PLPP4: variants seen among roughly 807,000 people sequenced by gnomAD.
PLPP4 encodes the protein phospholipid phosphatase 4.
PLPP4 carries 20 observed loss-of-function variants against 32.2 expected under a neutral mutation model. The observed-to-expected ratio is 0.62, with a 90% CI of 0.44 to 0.90. The LOEUF (loss-of-function observed/expected upper bound fraction) is 0.90, where lower values mean the gene tolerates loss of function less well. Ranked by LOEUF, PLPP4 falls within the 40% of genes least tolerant of loss-of-function variation. PLPP4 has a pLI of 0.00. For missense variants in PLPP4, 257 were observed against 353.1 expected, an observed-to-expected ratio of 0.73 and a Z score of 2.18; for synonymous variants, 127 against 133.0, an observed-to-expected ratio of 0.95 and a Z score of 0.31.
intron 2 of PLPP4, among the ~76,000 whole-genome samples, chr10:120,511,375 T>C (rs569599468): frequency 6.6e-6 from 1 of 152,324 alleles, no homozygotes; most frequent in Admixed American, 6.5e-5. Context: ...TTTGGAAGCC[T>C]CATTGGGAAA....
intron 2 of PLPP4, among the ~76,000 whole-genome samples, chr10:120,511,136 T>C (rs1204748273): frequency 6.6e-6 from 1 of 152,216 alleles, no homozygotes; most frequent in Non-Finnish European, 1.5e-5. Flanking sequence ...TGAGTTAAAT[T>C]AAGTCCAGCC....
chr10:120,522,783 ATAAAG>A (rs1564813688), intron 5 of PLPP4, among the ~76,000 whole-genome samples: 1 of 152,250 alleles, frequency 6.6e-6, no homozygotes, highest in East Asian at 1.9e-4. Context: ...TCACAAAAAA[ATAAAG>A]TAACCATGTG....
Position 120,481,331 on chromosome 10 carries a change from T to A in PLPP4, c.57-22487T>A, listed in dbSNP as rs113728207. Among the ~76,000 whole-genome samples, 696 of 152,218 alleles carry A rather than the reference T, an allele frequency of 4.6e-3. 5 individuals are homozygous for A. Among genetic ancestry groups the A allele is most frequent in the African/African-American group, 0.014 (565 of 41,540 alleles). On this transcript the variant is annotated intron_variant, in intron 1 of 6. Coordinates refer to ENST00000398250, the MANE Select transcript of PLPP4 (RefSeq NM_001030059.3). Reference sequence around the variant, plus strand: ...TGTCATGGATGGAGGGTGTGGACTATTTTGAGGGGCTTCAGGGCAGCCCAG... The same window carrying A: ...TGTCATGGATGGAGGGTGTGGACTAATTTGAGGGGCTTCAGGGCAGCCCAG...
At chr10:120,514,482 A>G (rs892375110) in intron 3 of PLPP4, among the ~76,000 whole-genome samples, 5 of 152,240 alleles carry the variant, frequency 3.3e-5, no homozygotes, top group Admixed American at 2.6e-4. Context: ...AACAAGCTCT[A>G]TAACTCATCT....
In PLPP4 at chr10:120,591,396, T is replaced by A. The variant is rs528242847; in HGVS notation, c.*1894T>A. Among the ~76,000 whole-genome samples, 3 of 152,186 alleles carry A rather than the reference T, an allele frequency of 2.0e-5. No homozygotes were observed. Among genetic ancestry groups the A allele is most frequent in the Non-Finnish European group, 4.4e-5 (3 of 68,046 alleles). ...ATCCAAAGTCAAGCCATTGATTTTTTAAAAATTATAGCAGTTACATTGGCA... is the reference window on the plus strand; with the variant it reads ...ATCCAAAGTCAAGCCATTGATTTTTAAAAAATTATAGCAGTTACATTGGCA... On this transcript the variant is annotated 3_prime_UTR_variant, in exon 7 of 7. Coordinates refer to ENST00000398250, the MANE Select transcript of PLPP4 (RefSeq NM_001030059.3).
intron 5 of PLPP4, among the ~76,000 whole-genome samples, chr10:120,522,594 C>T (rs1449899741): frequency 2.0e-5 from 3 of 152,186 alleles, no homozygotes; most frequent in African/African-American, 7.2e-5. Flanking sequence ...AACAAATTTT[C>T]TTCTCTAGTT....
intron 5 of PLPP4, among the ~76,000 whole-genome samples, chr10:120,566,084 A>G (rs996402434): frequency 2.6e-5 from 4 of 152,036 alleles, no homozygotes; most frequent in Non-Finnish European, 4.4e-5. Flanking sequence ...TTCTGTCCTT[A>G]GTTTTAAGCT....
At chr10:120,583,022 A>G (rs1216633358) in intron 6 of PLPP4, among the ~76,000 whole-genome samples, 1 of 151,926 alleles carries the variant, frequency 6.6e-6, no homozygotes, top group Non-Finnish European at 1.5e-5. Context: ...GAATCACTGG[A>G]AAGAATAAAA....
chr10:120,538,155 CAT>C (rs1847152870), intron 5 of PLPP4, among the ~76,000 whole-genome samples: 1 of 146,194 alleles, frequency 6.8e-6, no homozygotes, highest in Non-Finnish European at 1.5e-5. Flanking sequence ...GGATAGAACT[CAT>C]AAGTCTGGAT....
intron 6 of PLPP4, among the ~76,000 whole-genome samples, chr10:120,583,288 T>G (rs1413775753): frequency 6.6e-6 from 1 of 151,882 alleles, no homozygotes; most frequent in African/African-American, 2.4e-5. Context: ...CATAAGGTCC[T>G]TCCTGTCCTT....
chr10:120,505,494 T>C (rs1193422350), intron 2 of PLPP4, among the ~76,000 whole-genome samples: 1 of 152,316 alleles, frequency 6.6e-6, no homozygotes, highest in Non-Finnish European at 1.5e-5. Context: ...AGAAACTTCA[T>C]AGACACACCG....
At chr10:120,528,975 GTTT>G (rs35818441) in intron 5 of PLPP4, among the ~76,000 whole-genome samples, 15 of 147,772 alleles carry the variant, frequency 1.0e-4, no homozygotes, top group African/African-American at 3.5e-4. Context: ...AGCCCCTCAT[GTTT>G]TTTTTTTTTC....
Position 120,590,398 on chromosome 10 carries a change from G to C in PLPP4, c.*896G>C, listed in dbSNP as rs1849958329. 6.6e-6 allele frequency among the ~76,000 whole-genome samples: 1 copy of C among 152,182 alleles called. No individual in the cohort carries two copies. Among genetic ancestry groups the C allele is most frequent in the African/African-American group, 2.4e-5 (1 of 41,448 alleles). On this transcript the variant is annotated 3_prime_UTR_variant, in exon 7 of 7. Coordinates refer to ENST00000398250, the MANE Select transcript of PLPP4 (RefSeq NM_001030059.3). ...CATTGGGGATAAGAAGCAACTTCAGGCTGAGAATTTTTCCCCTTTAGGATC... is the reference window on the plus strand; with the variant it reads ...CATTGGGGATAAGAAGCAACTTCAGCCTGAGAATTTTTCCCCTTTAGGATC...
chr10:120,457,924 G>T (rs879890013), intron 1 of PLPP4, among the ~76,000 whole-genome samples: 5 of 152,226 alleles, frequency 3.3e-5, no homozygotes, highest in Admixed American at 3.3e-4. Context: ...GCTGCAGGCC[G>T]GGGTGGGATA....
intron 2 of PLPP4, among the ~76,000 whole-genome samples, chr10:120,513,693 C>A (rs1202106722): frequency 1.3e-5 from 2 of 152,104 alleles, no homozygotes; most frequent in African/African-American, 2.4e-5. Flanking sequence ...AATTACAAAT[C>A]AATTATAACC....
intron 5 of PLPP4, among the ~76,000 whole-genome samples, chr10:120,554,775 G>A (rs4752435): frequency 0.7 from 106,835 of 151,900 alleles, 37,767 homozygotes; most frequent in East Asian, 0.81. Context: ...GGTGCTACCC[G>A]CTTTTAAACA....
intron 4 of PLPP4, 116 bp downstream of exon 4, chr10:120,519,012 T>C (rs1846046225): frequency 1.6e-6 from 1 of 626,828 alleles, no homozygotes; most frequent in African/African-American, 1.8e-5. Flanking sequence ...CTCCCTTAAA[T>C]TGTTGTCCTT....
intron 5 of PLPP4, among the ~76,000 whole-genome samples, chr10:120,569,650 C>A (rs1460190681): frequency 6.6e-6 from 1 of 152,144 alleles, no homozygotes; most frequent in African/African-American, 2.4e-5. Context: ...CAGGTATCAC[C>A]CTGCCTAGAA....
Position 120,591,162 on chromosome 10 carries a change from G to A in PLPP4, c.*1660G>A, listed in dbSNP as rs550305189. Among the ~76,000 whole-genome samples the A allele has an allele frequency of 7.2e-5, 11 of 152,264 alleles. No individual in the cohort carries two copies. Among genetic ancestry groups the A allele is most frequent in the South Asian group, 2.1e-4 (1 of 4,824 alleles). ...GGTCAGCTTATCAGCCCTGGGCTGCGTGTGCAAGTTAGAAGCATCAGAATA... is the reference window on the plus strand; with the variant it reads ...GGTCAGCTTATCAGCCCTGGGCTGCATGTGCAAGTTAGAAGCATCAGAATA... On this transcript the variant is annotated 3_prime_UTR_variant, in exon 7 of 7. Coordinates refer to ENST00000398250, the MANE Select transcript of PLPP4 (RefSeq NM_001030059.3).
Sources: allele counts gnomAD v4.1 joint callset (sites outside exome capture counted in the v4.1 genomes callset), GRCh38; gene constraint gnomAD v4.1.1; transcripts MANE v1.5; gene names NCBI Gene and HGNC (gene_info 2026-07-23, HGNC 2026-07-21).